The following ENTHD1 variants were observed in gnomAD, a reference collection of about 807,000 sequenced individuals.
The protein encoded by ENTHD1 is ENTH domain-containing protein 1.
A neutral mutation model predicts 39.1 loss-of-function variants in ENTHD1; 23 were observed. The observed-to-expected ratio is 0.59, with a 90% CI of 0.42 to 0.83. The LOEUF is 0.83. Among genes scored for constraint, ENTHD1 ranks in the 40% least tolerant of loss-of-function variants. The pLI, the probability that ENTHD1 is intolerant of heterozygous loss-of-function variation, is 0.00. For synonymous variants in ENTHD1, 230 were observed against 258.2 expected (o/e 0.89, Z 1.05); for missense variants, 624 against 705.4 (o/e 0.88, Z 1.31).
At chr22:39,803,599 C>A (rs966547160) in intron 5 of ENTHD1, among the ~76,000 whole-genome samples, 3 of 152,150 alleles carry the variant, frequency 2.0e-5, no homozygotes, top group Admixed American at 2.0e-4. Context: ...AATCTAATTT[C>A]TCAATCTTTC....
chr22:39,755,438 C>G (rs143997655), intron 6 of ENTHD1, among the ~76,000 whole-genome samples: 1,577 of 152,222 alleles, frequency 0.01, 20 homozygotes, highest in Middle Eastern at 0.051. Flanking sequence ...GAGGCAGAAG[C>G]TAGGCTTCCC....
chr22:39,854,178 CAG>C (rs1243082316), intron 3 of ENTHD1, among the ~76,000 whole-genome samples: 9 of 152,174 alleles, frequency 5.9e-5, no homozygotes, highest in Non-Finnish European at 7.4e-5. Context: ...CCCAGGCAGA[CAG>C]GGGGAGAGTG....
At chr22:39,848,720 C>T (rs1297936491) in intron 3 of ENTHD1, among the ~76,000 whole-genome samples, 1 of 152,122 alleles carries the variant, frequency 6.6e-6, no homozygotes, top group Non-Finnish European at 1.5e-5. Context: ...TGGGGCTTAT[C>T]CTCAAAACTC....
intron 1 of ENTHD1, among the ~76,000 whole-genome samples, 171 bp from the exon 2 acceptor site, chr22:39,888,074 G>A (rs1163672247): frequency 6.6e-6 from 1 of 151,974 alleles, no homozygotes; most frequent in Non-Finnish European, 1.5e-5. Flanking sequence ...AATCCCTCAT[G>A]AGAAATTGGC....
intron 5 of ENTHD1, among the ~76,000 whole-genome samples, chr22:39,780,575 C>T (rs1408914136): frequency 6.7e-6 from 1 of 149,994 alleles, no homozygotes; most frequent in Admixed American, 6.6e-5. Context: ...AGTAGTTATA[C>T]TTATATCAGA....
At chr22:39,851,449 A>T (rs1474365970) in intron 3 of ENTHD1, among the ~76,000 whole-genome samples, 1 of 151,130 alleles carries the variant, frequency 6.6e-6, no homozygotes, top group Non-Finnish European at 1.5e-5. Context: ...TCTGTATCTG[A>T]CCTTTCCAAT....
At chr22:39,782,014 T>C (rs886277317) in intron 5 of ENTHD1, among the ~76,000 whole-genome samples, 4 of 152,014 alleles carry the variant, frequency 2.6e-5, no homozygotes, top group African/African-American at 9.7e-5. Context: ...TGGCCGGGCA[T>C]GGTGGATGAT....
In ENTHD1 at chr22:39,762,466, G is replaced by A. The variant is rs1270400976; in HGVS notation, c.1219+2757C>T. Reference sequence around the variant, plus strand: ...TCACTGTGTCACCCAGGCTCTCACTGTGTCACCCAGGCTCTCACTGTGTCA... The same window carrying A: ...TCACTGTGTCACCCAGGCTCTCACTATGTCACCCAGGCTCTCACTGTGTCA... On this transcript the variant is annotated intron_variant, in intron 6 of 6. Transcript: ENST00000325157. 2.0e-5 allele frequency among the ~76,000 whole-genome samples: 3 copies of A among 150,218 alleles called. No individual in the cohort carries two copies. The East Asian group carries it at 5.9e-4, about 29-fold the overall frequency.
chr22:39,743,535 T>G lies in ENTHD1; in HGVS notation c.*144A>C. On this transcript the variant is annotated 3_prime_UTR_variant, in exon 7 of 7. Coordinates refer to ENST00000325157, the MANE Select transcript of ENTHD1 (RefSeq NM_152512.4). ...AACCACCCAAATGAAAGTATTAGTT[T>G]GAAAGATACTTGCTAATAAACCTGA... 1.1e-6 allele frequency: 1 copy of G among 948,578 alleles called. No individual in the cohort carries two copies. The highest frequency in any genetic ancestry group is 3.1e-5 in the Admixed American group (1 of 31,790). 58.8% of individuals were successfully genotyped at this position (948,578 alleles called of 1,614,324 possible). A position where few individuals can be genotyped will look rare whatever the true frequency, so the allele number is the denominator to read the frequency against.
intron 2 of ENTHD1, among the ~76,000 whole-genome samples, chr22:39,871,048 G>A (rs2066238196): frequency 6.6e-6 from 1 of 151,882 alleles, no homozygotes; most frequent in Admixed American, 6.6e-5. Context: ...GCTAGTCATG[G>A]TGGCAAACAC....
chr22:39,832,997 G>A (rs2065881571), intron 4 of ENTHD1, among the ~76,000 whole-genome samples: 1 of 152,166 alleles, frequency 6.6e-6, no homozygotes, highest in South Asian at 2.1e-4. Context: ...TGGGCAAGGA[G>A]CTGAGAAAAT....
intron 3 of ENTHD1, among the ~76,000 whole-genome samples, chr22:39,843,502 T>C (rs112895561): frequency 2.0e-5 from 3 of 151,750 alleles, no homozygotes; most frequent in Admixed American, 1.3e-4. Context: ...GGAGATATAC[T>C]TAATGCTAGA....
intron 6 of ENTHD1, among the ~76,000 whole-genome samples, chr22:39,748,751 C>G (rs1383424139): frequency 6.6e-6 from 1 of 152,036 alleles, no homozygotes; most frequent in African/African-American, 2.4e-5. Flanking sequence ...TTTAAAGATA[C>G]GCAGTTAGGT....
intron 5 of ENTHD1, among the ~76,000 whole-genome samples, chr22:39,778,669 T>C (rs1021365738): frequency 6.6e-5 from 10 of 152,216 alleles, no homozygotes; most frequent in African/African-American, 2.4e-4. Context: ...ATACCTAAGA[T>C]GGCAAATACC....
chr22:39,800,426 A>G (rs763088681), intron 5 of ENTHD1, among the ~76,000 whole-genome samples: 1 of 152,210 alleles, frequency 6.6e-6, no homozygotes, highest in Admixed American at 6.5e-5. Context: ...GCAACTTCCA[A>G]TCATGTCAGG....
chr22:39,811,028 G>T (rs1044064340), intron 5 of ENTHD1, among the ~76,000 whole-genome samples: 1 of 152,198 alleles, frequency 6.6e-6, no homozygotes, highest in African/African-American at 2.4e-5. Flanking sequence ...ACTTATGCAA[G>T]AAGTGGCAAG....
At position 39,794,960 on chromosome 22, in the gene ENTHD1, G is replaced by GT. The variant is rs201473335; in HGVS notation, c.832+26032dup. Among the ~76,000 whole-genome samples, 495 of 152,224 alleles carry GT rather than the reference G, an allele frequency of 3.3e-3. 5 individuals are homozygous for GT. Among genetic ancestry groups the GT allele is most frequent in the African/African-American group, 0.011 (475 of 41,524 alleles). On this transcript the variant is annotated intron_variant, in intron 5 of 6. Transcript: ENST00000325157. ...TCCTTCTGTGCCTAGTTTGTTCAGA[G>GT]TTTTTTATCATGAAGCGTCATTGGA...
intron 4 of ENTHD1, among the ~76,000 whole-genome samples, chr22:39,830,697 T>C (rs73888182): frequency 0.095 from 14,448 of 152,180 alleles, 767 homozygotes; most frequent in African/African-American, 0.13. Context: ...AATTTGTCAA[T>C]TGAAGATTCA....
At chr22:39,813,550 A>G (rs945046340) in intron 5 of ENTHD1, among the ~76,000 whole-genome samples, 8 of 152,222 alleles carry the variant, frequency 5.3e-5, no homozygotes, top group African/African-American at 1.7e-4. Flanking sequence ...AAATGGAGAA[A>G]CTCAACATAT....
Sources: gnomAD v4.1 joint callset for allele counts (sites outside exome capture counted in the v4.1 genomes callset) on GRCh38, gnomAD v4.1.1 for gene constraint, MANE v1.5 for transcripts, NCBI Gene and HGNC (gene_info 2026-07-23, HGNC 2026-07-21) for gene names.